Variants in ADGRF1 observed in about 807,000 individuals in gnomAD.
ADGRF1 encodes the protein G protein-coupled receptor 110.
In ADGRF1, 85 loss-of-function variants were observed where a neutral mutation model predicts 87.2. The observed-to-expected ratio is 0.97, with a 90% CI of 0.82 to 1.17. The LOEUF is 1.17. Ranked by LOEUF, ADGRF1 falls within the 50% of genes most tolerant of loss-of-function variation. The pLI is 0.00. For synonymous variants in ADGRF1, 430 were observed against 408.8 expected (o/e 1.05, Z -0.63); for missense variants, 1,169 against 1,077.2 (o/e 1.09, Z -1.19).
rs78396222 is a variant in ADGRF1, at chr6:47,012,204, G to A, written c.928-9C>T. On this transcript the variant is annotated splice_polypyrimidine_tract_variant and intron_variant, in intron 9 of 14. Coordinates refer to ENST00000371253, the MANE Select transcript of ADGRF1 (RefSeq NM_153840.4). ...ACAATCATACTGAAATTCTAGAAGC[G>A]AAAATGGTTAAGTTCTAGAAAACAA... 2,813 of 1,603,168 alleles carry A rather than the reference G, an allele frequency of 1.8e-3. 46 individuals carry two copies. The South Asian group carries it at 0.023, about 13-fold the overall frequency.
At chr6:47,020,272 C>A in intron 7 of ADGRF1, 1 of 1,195,592 alleles carries the variant, frequency 8.4e-7, no homozygotes, top group Non-Finnish European at 1.1e-6. Flanking sequence ...GCAGGCGGAT[C>A]ACCTGAGGTC....
intron 4 of ADGRF1, among the ~76,000 whole-genome samples, chr6:47,024,602 C>T (rs1780169604): frequency 6.6e-6 from 1 of 152,224 alleles, no homozygotes; most frequent in Non-Finnish European, 1.5e-5. Context: ...GCGTGAGCCA[C>T]CGCGCCTGAC....
chr6:47,020,420 C>T (rs561112134), intron 7 of ADGRF1: 88 of 982,966 alleles, frequency 9.0e-5, no homozygotes, highest in Admixed American at 1.1e-4. Context: ...CTCTTGAACC[C>T]GGTAGGCAGA....
At chr6:47,007,449 T>A (rs935572676) in intron 11 of ADGRF1, among the ~76,000 whole-genome samples, 155 bp from the exon 12 acceptor site, 9 of 151,684 alleles carry the variant, frequency 5.9e-5, no homozygotes, top group Non-Finnish European at 1.2e-4. Flanking sequence ...AAGAACACCA[T>A]GTGGCCTCCA....
At chr6:47,018,190 C>T (rs970657352) in intron 7 of ADGRF1, 4 of 316,452 alleles carry the variant, frequency 1.3e-5, no homozygotes, top group East Asian at 9.9e-5. Flanking sequence ...GGGGAGTGCC[C>T]GAGCTCAAGT....
intron 14 of ADGRF1, 127 bp downstream of exon 14, chr6:47,001,374 A>G: frequency 1.4e-6 from 1 of 732,614 alleles, no homozygotes; most frequent in Non-Finnish European, 2.2e-6. Context: ...CTCTGAAAAC[A>G]TGGCTGGCTG....
chr6:47,025,541 G>T lies in ADGRF1; in HGVS notation c.277+313C>A, dbSNP rs538418831. Among the ~76,000 whole-genome samples the T allele has an allele frequency of 1.4e-4, 22 of 152,226 alleles. No individual in the cohort carries two copies. The South Asian group carries it at 3.7e-3, about 26-fold the overall frequency. Reference sequence around the variant, plus strand: ...GCCAGTTCTAGCCAAAAAGTTGTTGGCAGAGTTACTGCGGTCACTTCTGAG... The same window carrying T: ...GCCAGTTCTAGCCAAAAAGTTGTTGTCAGAGTTACTGCGGTCACTTCTGAG... On this transcript the variant is annotated intron_variant, in intron 4 of 14. Transcript: ENST00000371253.
chr6:47,024,297 A>G, intron 4 of ADGRF1, 80 bp from the exon 5 acceptor site: 1 of 1,023,776 alleles, frequency 9.8e-7, no homozygotes, highest in South Asian at 1.7e-5. Context: ...TATTTTATAT[A>G]TGTTTATTTT....
chr6:47,016,574 A>C, intron 8 of ADGRF1, 43 bp downstream of exon 8: 2 of 1,476,036 alleles, frequency 1.4e-6, no homozygotes, highest in Non-Finnish European at 1.8e-6. Context: ...TACTAATTAA[A>C]GGACTCTCTT....
intron 1 of ADGRF1, among the ~76,000 whole-genome samples, chr6:47,032,100 C>T (rs763691717): frequency 1.9e-4 from 29 of 152,182 alleles, no homozygotes; most frequent in African/African-American, 5.3e-4. Flanking sequence ...ATAGGAAAAA[C>T]GATTTCTCCA....
intron 6 of ADGRF1, among the ~76,000 whole-genome samples, chr6:47,021,067 T>C (rs1780031525): frequency 6.6e-6 from 1 of 152,224 alleles, no homozygotes; most frequent in Admixed American, 6.5e-5. Flanking sequence ...GAATAGGAGA[T>C]GAATTTGATG....
intron 1 of ADGRF1, among the ~76,000 whole-genome samples, chr6:47,035,757 C>A (rs553355103): frequency 6.6e-6 from 1 of 152,144 alleles, no homozygotes; most frequent in Non-Finnish European, 1.5e-5. Context: ...ACAAACAATT[C>A]TTTTCTCAGA....
At position 47,014,858 on chromosome 6, in the gene ADGRF1, A is replaced by G. The variant is rs1279341697; in HGVS notation, c.764-14T>C. ...CATTACACTGGGCTGGAAACAAAAG[A>G]AAACAACAAAGAAAAATGATCCTAG... On this transcript the variant is annotated splice_polypyrimidine_tract_variant and intron_variant, in intron 8 of 14. Transcript: ENST00000371253. 8 of 1,583,222 alleles carry G rather than the reference A, an allele frequency of 5.1e-6. No homozygotes were observed. Among genetic ancestry groups the G allele is most frequent in the Non-Finnish European group, 6.9e-6 (8 of 1,162,724 alleles).
intron 5 of ADGRF1, among the ~76,000 whole-genome samples, chr6:47,022,804 C>CTTTTTTTTTTTTTTTT (rs11286179): frequency 1.9e-4 from 23 of 119,260 alleles, no homozygotes; most frequent in Non-Finnish European, 3.0e-4. Context: ...TTTCTTTTTT[C>CTTTTTTTTTTTTTTTT]TTTTTTTTTT....
intron 1 of ADGRF1, among the ~76,000 whole-genome samples, chr6:47,036,625 G>A (rs147944570): frequency 2.0e-4 from 31 of 152,158 alleles, no homozygotes; most frequent in African/African-American, 6.7e-4. Flanking sequence ...ATACTTCTCC[G>A]ACTTCTCATT....
chr6:47,000,014 GAATCAAAT>G lies in ADGRF1; in HGVS notation c.*200_*207del. 2.1e-6 allele frequency: 1 copy of G among 480,298 alleles called. No homozygotes were observed. Among genetic ancestry groups the G allele is most frequent in the Non-Finnish European group, 3.8e-6 (1 of 266,036 alleles). 29.8% of individuals were successfully genotyped at this position (480,298 alleles called of 1,614,324 possible). A position where few individuals can be genotyped will look rare whatever the true frequency, so the allele number is the denominator to read the frequency against. On this transcript the variant is annotated 3_prime_UTR_variant, in exon 15 of 15. Transcript: ENST00000371253. ...TCTGCATTTATGGAGCACTTTCTTT[GAATCAAAT>G]CACATGGAAATAAATCTTCTTTTCA... is the stretch of plus-strand genomic sequence containing the variant.
At chr6:47,004,391 C>A (rs1010386158) in intron 13 of ADGRF1, among the ~76,000 whole-genome samples, 1 of 152,256 alleles carries the variant, frequency 6.6e-6, no homozygotes, top group Non-Finnish European at 1.5e-5. Context: ...ATTTTTGTCA[C>A]CTAATTTGGA....
chr6:47,004,777 T>TA (rs1779469634), intron 13 of ADGRF1, among the ~76,000 whole-genome samples: 1 of 152,222 alleles, frequency 6.6e-6, no homozygotes, highest in Non-Finnish European at 1.5e-5. Flanking sequence ...TTTGAATAAC[T>TA]AGTCCAACAT....
Position 47,024,852 on chromosome 6 carries a change from T to C in ADGRF1, c.278-635A>G, listed in dbSNP as rs191280729. ...AACATAAAGCTACAATGGCTGGGAT[T>C]AGCATGCAAAAGAAGGATGTATACC... On this transcript the variant is annotated intron_variant, in intron 4 of 14. Transcript: ENST00000371253. 5.9e-5 allele frequency among the ~76,000 whole-genome samples: 9 copies of C among 152,264 alleles called. No homozygotes were observed. In the East Asian group the frequency reaches 1.5e-3, roughly 26 times the overall value.
Sources: gnomAD v4.1 joint callset for allele counts (sites outside exome capture counted in the v4.1 genomes callset) on GRCh38, gnomAD v4.1.1 for gene constraint, MANE v1.5 for transcripts, NCBI Gene and HGNC (gene_info 2026-07-23, HGNC 2026-07-21) for gene names.